Variants in PTPRM observed in about 807,000 individuals in gnomAD.
PTPRM encodes receptor-type tyrosine-protein phosphatase mu.
PTPRM carries 47 observed loss-of-function variants against 186.7 expected under a neutral mutation model. The observed-to-expected ratio is 0.25, with a 90% confidence interval of 0.20 to 0.32. The LOEUF is 0.32. Ranked by LOEUF, PTPRM falls within the 10% of genes least tolerant of loss-of-function variation. The probability of loss-of-function intolerance (pLI) is 1.00; values close to 1 mark genes in which losing one functional copy is unlikely to be tolerated. For missense variants in PTPRM, 1,494 were observed against 1,865.0 expected (o/e 0.80, Z 3.66); for synonymous variants, 668 against 674.9 (o/e 0.99, Z 0.16).
intron 14 of PTPRM, among the ~76,000 whole-genome samples, chr18:8,205,293 TA>T (rs2093912700): frequency 6.6e-6 from 1 of 152,084 alleles, no homozygotes; most frequent in African/African-American, 2.4e-5. Context: ...AACAATTCAA[TA>T]CAAAAAAAAA....
intron 21 of PTPRM, among the ~76,000 whole-genome samples, chr18:8,316,699 A>G (rs978058456): frequency 5.9e-5 from 9 of 152,204 alleles, no homozygotes; most frequent in Non-Finnish European, 1.2e-4. Flanking sequence ...TTAAAAAGTT[A>G]ATTCTGTATG....
intron 7 of PTPRM, among the ~76,000 whole-genome samples, chr18:8,006,579 G>A (rs960707609): frequency 2.0e-5 from 3 of 152,164 alleles, no homozygotes; most frequent in African/African-American, 4.8e-5. Flanking sequence ...AGTGGAATTG[G>A]CATATTTCTT....
intron 1 of PTPRM, among the ~76,000 whole-genome samples, chr18:7,658,359 T>TATATATAC (rs1491198247): frequency 2.2e-5 from 3 of 136,682 alleles, no homozygotes; most frequent in Admixed American, 7.4e-5. Flanking sequence ...TATATATATA[T>TATATATAC]ACATACACAC....
At chr18:8,237,170 A>G (rs1198559874) in intron 14 of PTPRM, among the ~76,000 whole-genome samples, 2 of 152,044 alleles carry the variant, frequency 1.3e-5, no homozygotes, top group African/African-American at 4.8e-5. Flanking sequence ...CCTGTCCCTT[A>G]TCTTATTGCT....
At chr18:8,211,591 G>T (rs1454681564) in intron 14 of PTPRM, among the ~76,000 whole-genome samples, 2 of 151,784 alleles carry the variant, frequency 1.3e-5, no homozygotes, top group African/African-American at 4.8e-5. Context: ...CTTTAGTAGA[G>T]ACAGGGTTTC....
At chr18:7,633,538 T>A (rs1314271258) in intron 1 of PTPRM, among the ~76,000 whole-genome samples, 1 of 152,150 alleles carries the variant, frequency 6.6e-6, no homozygotes, top group Non-Finnish European at 1.5e-5. Flanking sequence ...CACCTTCCCT[T>A]CACTCCTCTT....
At chr18:7,801,671 C>T (rs756612529) in intron 2 of PTPRM, among the ~76,000 whole-genome samples, 3 of 152,192 alleles carry the variant, frequency 2.0e-5, no homozygotes, top group South Asian at 2.1e-4. Context: ...TTTTACATGA[C>T]TCGCAGCACG....
intron 23 of PTPRM, among the ~76,000 whole-genome samples, chr18:8,352,556 G>T (rs374342783): frequency 4.0e-5 from 6 of 150,976 alleles, no homozygotes; most frequent in African/African-American, 7.3e-5. Flanking sequence ...TTGTTTCTGA[G>T]TTAATTCACT....
chr18:8,302,823 G>T (rs1317530149), intron 20 of PTPRM, among the ~76,000 whole-genome samples: 3 of 151,934 alleles, frequency 2.0e-5, no homozygotes, highest in African/African-American at 2.4e-5. Flanking sequence ...GTATTATCCA[G>T]GATGGATAAT....
At chr18:7,634,067 T>C (rs1258576440) in intron 1 of PTPRM, among the ~76,000 whole-genome samples, 1 of 152,148 alleles carries the variant, frequency 6.6e-6, no homozygotes, top group Non-Finnish European at 1.5e-5. Flanking sequence ...CACTTCTCTT[T>C]GTTCATCTCC....
At chr18:7,838,725 CAG>C (rs1351487886) in intron 2 of PTPRM, among the ~76,000 whole-genome samples, 1 of 152,224 alleles carries the variant, frequency 6.6e-6, no homozygotes, top group African/African-American at 2.4e-5. Context: ...ATGGCAAAGC[CAG>C]TCAGGCCTGC....
chr18:7,703,853 A>G (rs1039955724), intron 1 of PTPRM, among the ~76,000 whole-genome samples: 2 of 152,156 alleles, frequency 1.3e-5, no homozygotes, highest in Non-Finnish European at 2.9e-5. Context: ...TTCCATCAAT[A>G]CCTAGTTTAT....
At position 7,687,495 on chromosome 18, in the gene PTPRM, T is replaced by C. The variant is rs537573046; in HGVS notation, c.74-86654T>C. On this transcript the variant is annotated intron_variant, in intron 1 of 32. Transcript: ENST00000580170. Reference sequence around the variant, plus strand: ...TCTAATTTATTTGATATCAGCAGCCTGTTAGATGATAATTTAAAAATCCGC... The same window carrying C: ...TCTAATTTATTTGATATCAGCAGCCCGTTAGATGATAATTTAAAAATCCGC... 5.3e-5 allele frequency among the ~76,000 whole-genome samples: 8 copies of C among 152,330 alleles called. No homozygotes were observed. In the South Asian group the frequency reaches 1.7e-3, roughly 32 times the overall value.
intron 14 of PTPRM, among the ~76,000 whole-genome samples, chr18:8,195,283 T>A (rs915290106): frequency 2.0e-5 from 3 of 151,736 alleles, no homozygotes; most frequent in African/African-American, 7.3e-5. Flanking sequence ...CCATCTCACA[T>A]GAAATTAGTA....
chr18:7,859,693 G>A (rs2047264659), intron 2 of PTPRM, among the ~76,000 whole-genome samples: 1 of 152,242 alleles, frequency 6.6e-6, no homozygotes. Flanking sequence ...TGGGGGTTGA[G>A]GAGTCGGTAC....
At chr18:7,785,290 A>G (rs2043046355) in intron 2 of PTPRM, among the ~76,000 whole-genome samples, 1 of 152,198 alleles carries the variant, frequency 6.6e-6, no homozygotes, top group Non-Finnish European at 1.5e-5. Context: ...GTCTCCAGAA[A>G]AGATGTAATA....
intron 22 of PTPRM, among the ~76,000 whole-genome samples, chr18:8,332,064 A>G (rs1467536821): frequency 6.6e-6 from 1 of 152,240 alleles, no homozygotes; most frequent in African/African-American, 2.4e-5. Context: ...GGTGTTTTAG[A>G]GAGGAGCTTT....
At chr18:7,853,911 G>A (rs894457246) in intron 2 of PTPRM, among the ~76,000 whole-genome samples, 1 of 152,158 alleles carries the variant, frequency 6.6e-6, no homozygotes, top group Non-Finnish European at 1.5e-5. Context: ...CAGTCTGGTT[G>A]TCTTTTCATT....
At position 7,768,131 on chromosome 18, in the gene PTPRM, G is replaced by A. The variant is rs139404695; in HGVS notation, c.74-6018G>A. On this transcript the variant is annotated intron_variant, in intron 1 of 32. Coordinates refer to ENST00000580170, the MANE Select transcript of PTPRM (RefSeq NM_001105244.2). ...GGAGCAGATTTTCTACTCTGCCTAT[G>A]GGCTTTTCTGTTCTGAAACTCTGTG... 5.8e-4 allele frequency among the ~76,000 whole-genome samples: 89 copies of A among 152,224 alleles called. 1 individual carries two copies. The highest frequency in any genetic ancestry group is 2.0e-3 in the African/African-American group (83 of 41,538).
Sources: gnomAD v4.1 joint callset for allele counts (sites outside exome capture counted in the v4.1 genomes callset) on GRCh38, gnomAD v4.1.1 for gene constraint, MANE v1.5 for transcripts, NCBI Gene and HGNC (gene_info 2026-07-23, HGNC 2026-07-21) for gene names.